POLK: variants seen among roughly 807,000 people sequenced by gnomAD.
POLK encodes polymerase (DNA directed) kappa.
Under a neutral mutation model 94.0 loss-of-function variants are expected in POLK, and 76 were observed. The ratio of observed to expected loss-of-function variants is 0.81; its 90% CI spans 0.67 to 0.98. The LOEUF (loss-of-function observed/expected upper bound fraction) is 0.98. Among genes scored for constraint, POLK ranks in the 50% least tolerant of loss-of-function variants. POLK has a pLI of 0.00. For missense variants in POLK, 954 were observed against 1,010.1 expected (o/e 0.94, Z 0.75); for synonymous variants, 349 against 325.4 (o/e 1.07, Z -0.78).
At chr5:75,520,125 T>G (rs1483227148) in intron 1 of POLK, among the ~76,000 whole-genome samples, 2 of 152,228 alleles carry the variant, frequency 1.3e-5, no homozygotes, top group African/African-American at 4.8e-5. Flanking sequence ...CAACTTATCT[T>G]AGATAGCAAA....
At chr5:75,602,612 A>G (rs1385288948), downstream of POLK, among the ~76,000 whole-genome samples, 4 of 152,224 alleles carry the variant, frequency 2.6e-5, no homozygotes, top group Non-Finnish European at 5.9e-5. Flanking sequence ...CCTCACTTGA[A>G]TAATGCAGAG....
exon 2 of POLK, chr5:75,547,111 G>T: frequency 6.5e-7 from 1 of 1,539,092 alleles, no homozygotes; most frequent in South Asian, 1.2e-5. Flanking sequence ...GGAATGGAAG[G>T]ATTAGATAAA....
chr5:75,513,681 T>C (rs1768182560), intron 1 of POLK, among the ~76,000 whole-genome samples: 2 of 152,210 alleles, frequency 1.3e-5, no homozygotes, highest in African/African-American at 2.4e-5. Context: ...TCTGTTTGGT[T>C]TATGGGATAA....
At chr5:75,592,988 C>G (rs748593249) in intron 11 of POLK, among the ~76,000 whole-genome samples, 1 of 148,538 alleles carries the variant, frequency 6.7e-6, no homozygotes, top group East Asian at 2.1e-4. Context: ...CCTGGGAGGT[C>G]AAAGCTGCAG....
the POLK span, among the ~76,000 whole-genome samples, chr5:75,608,262 C>T: frequency 1.3e-5 from 2 of 151,272 alleles, no homozygotes; most frequent in Non-Finnish European, 2.9e-5. Context: ...GACATGATAA[C>T]AGCTTGCTGC....
At chr5:75,578,394 T>G (rs1318260954) in intron 6 of POLK, among the ~76,000 whole-genome samples, 1 of 152,156 alleles carries the variant, frequency 6.6e-6, no homozygotes, top group Non-Finnish European at 1.5e-5. Context: ...TGACCTCAGG[T>G]GATCTGCCCG....
intron 1 of POLK, among the ~76,000 whole-genome samples, chr5:75,544,006 T>C (rs1769882497): frequency 6.6e-6 from 1 of 152,114 alleles, no homozygotes; most frequent in African/African-American, 2.4e-5. Flanking sequence ...GCTAATTTTT[T>C]ACTTTTATTT....
chr5:75,547,397 C>T (rs1300875934), intron 2 of POLK, among the ~76,000 whole-genome samples: 2 of 151,766 alleles, frequency 1.3e-5, no homozygotes, highest in Admixed American at 6.6e-5. Flanking sequence ...TGTTCCTGTT[C>T]ACCTTTTTTT....
intron 6 of POLK, among the ~76,000 whole-genome samples, chr5:75,578,840 C>T (rs959579778): frequency 4.6e-5 from 7 of 152,198 alleles, no homozygotes; most frequent in Admixed American, 4.6e-4. Context: ...TAAATGTTTA[C>T]TCTCCCATGT....
chr5:75,562,488 GA>G (rs1279399722), intron 3 of POLK, among the ~76,000 whole-genome samples: 21 of 152,106 alleles, frequency 1.4e-4, no homozygotes, highest in Admixed American at 1.4e-3. Flanking sequence ...CTTCCTAATT[GA>G]ATACCCTTTA....
At chr5:75,606,854 T>G in the POLK span, among the ~76,000 whole-genome samples, 1 of 152,104 alleles carries the variant, frequency 6.6e-6, no homozygotes, top group African/African-American at 2.4e-5. Context: ...CAGTGAGAAT[T>G]TGAACCATAA....
intron 1 of POLK, among the ~76,000 whole-genome samples, chr5:75,543,019 T>C (rs922314697): frequency 7.1e-6 from 1 of 141,130 alleles, no homozygotes; most frequent in Admixed American, 7.1e-5. Context: ...CCTTATTTAT[T>C]TATTTATTTA....
chr5:75,591,920 T>G (rs1176862231), intron 11 of POLK, among the ~76,000 whole-genome samples: 1 of 152,224 alleles, frequency 6.6e-6, no homozygotes, highest in African/African-American at 2.4e-5. Context: ...ATGTCATGGT[T>G]GATATTAACC....
chr5:75,524,060 G>T (rs1337314942), intron 1 of POLK, among the ~76,000 whole-genome samples: 2 of 151,798 alleles, frequency 1.3e-5, no homozygotes, highest in African/African-American at 4.8e-5. Flanking sequence ...AAACCGGGAG[G>T]CAGAGGTTGC....
chr5:75,566,788 G>A (rs1771299574), intron 3 of POLK, among the ~76,000 whole-genome samples: 1 of 152,180 alleles, frequency 6.6e-6, no homozygotes, highest in Admixed American at 6.5e-5. Flanking sequence ...CTCACTGGGA[G>A]CTGCAGCCAT....
chr5:75,547,079 G>A, exon 2 of POLK: 1 of 1,516,286 alleles, frequency 6.6e-7, no homozygotes, highest in Non-Finnish European at 9.1e-7. Flanking sequence ...TGCTTAGGAT[G>A]GGACTTAATG....
At chr5:75,510,967 C>A, upstream of POLK, 1 of 1,157,426 alleles carries the variant, frequency 8.6e-7, no homozygotes, top group Non-Finnish European at 1.2e-6. Context: ...TATATCCCCG[C>A]CTCATCCCTA....
intron 1 of POLK, among the ~76,000 whole-genome samples, chr5:75,526,586 T>TC (rs1768860258): frequency 6.7e-6 from 1 of 148,230 alleles, no homozygotes; most frequent in African/African-American, 2.5e-5. Context: ...TTTTTTTTTT[T>TC]TCTTTTTTTT....
intron 1 of POLK, among the ~76,000 whole-genome samples, chr5:75,529,275 G>A (rs1180605078): frequency 6.6e-6 from 1 of 151,944 alleles, no homozygotes; most frequent in East Asian, 1.9e-4. Context: ...AGAGAGAGGG[G>A]GGAGGTGCCA....
Sources: gnomAD v4.1 joint callset for allele counts (sites outside exome capture counted in the v4.1 genomes callset) on GRCh38, gnomAD v4.1.1 for gene constraint, MANE v1.5 for transcripts, NCBI Gene and HGNC (gene_info 2026-07-23, HGNC 2026-07-21) for gene names.